Variants in BRINP1 observed in about 807,000 individuals in gnomAD.
BRINP1 encodes BMP/retinoic acid inducible neural specific 1.
BRINP1 carries 17 observed loss-of-function variants against 72.9 expected under a neutral mutation model. The observed-to-expected ratio is 0.23, with a 90% CI of 0.16 to 0.35. The LOEUF (loss-of-function observed/expected upper bound fraction) is 0.35. BRINP1 is among the 10% of genes least tolerant of loss of function. The pLI, the probability that BRINP1 is intolerant of heterozygous loss-of-function variation, is 1.00. For missense variants in BRINP1, 850 were observed against 1,001.6 expected, an observed-to-expected ratio of 0.85 and a Z score of 2.04; for synonymous variants, 418 against 378.5, an observed-to-expected ratio of 1.10 and a Z score of -1.21.
At chr9:119,322,473 G>A (rs774796247) in intron 1 of BRINP1, among the ~76,000 whole-genome samples, 4 of 152,148 alleles carry the variant, frequency 2.6e-5, no homozygotes, top group African/African-American at 4.8e-5. Context: ...ATTTACATCC[G>A]AGGCACACAC....
intron 2 of BRINP1, among the ~76,000 whole-genome samples, chr9:119,277,066 G>A (rs1830664132): frequency 6.6e-6 from 1 of 152,140 alleles, no homozygotes; most frequent in South Asian, 2.1e-4. Context: ...ATCATAGAGT[G>A]TGTAGCCTTT....
chr9:119,313,405 C>A lies in BRINP1; in HGVS notation c.-50G>T, dbSNP rs1357134723. The A allele has an allele frequency of 6.4e-7, 1 of 1,563,766 alleles. No homozygotes were observed. The highest frequency in any genetic ancestry group is 8.6e-7 in the Non-Finnish European group (1 of 1,157,478). On this transcript the variant is annotated splice_region_variant and 5_prime_UTR_variant, in exon 2 of 8. Coordinates refer to ENST00000265922, the MANE Select transcript of BRINP1 (RefSeq NM_014618.3). ...TCATTCTTGCTCCATTCTGTGGAGT[C>A]CTATAGAAGAAAGAATAAAAAAGAG... is the stretch of plus-strand genomic sequence containing the variant.
intron 2 of BRINP1, among the ~76,000 whole-genome samples, chr9:119,280,533 C>T (rs1422152918): frequency 3.3e-5 from 5 of 151,962 alleles, no homozygotes; most frequent in East Asian, 3.9e-4. Context: ...TGTGAGCTAC[C>T]GCACCCAGCC....
At chr9:119,356,930 A>C (rs1831573711) in intron 1 of BRINP1, among the ~76,000 whole-genome samples, 1 of 152,212 alleles carries the variant, frequency 6.6e-6, no homozygotes, top group African/African-American at 2.4e-5. Context: ...TGTTGCCAAA[A>C]CTGGATGCTG....
At chr9:119,252,502 G>T (rs1030988808) in intron 2 of BRINP1, among the ~76,000 whole-genome samples, 1 of 151,300 alleles carries the variant, frequency 6.6e-6, no homozygotes, top group Non-Finnish European at 1.5e-5. Context: ...ATATATATAT[G>T]CATATAAACA....
chr9:119,342,634 C>CACCG (rs1265621567), intron 1 of BRINP1, among the ~76,000 whole-genome samples: 2 of 152,218 alleles, frequency 1.3e-5, no homozygotes, highest in African/African-American at 4.8e-5. Context: ...GACCTCTAGA[C>CACCG]ACCGTATGCC....
At chr9:119,356,650 C>G (rs942944186) in intron 1 of BRINP1, among the ~76,000 whole-genome samples, 1 of 151,754 alleles carries the variant, frequency 6.6e-6, no homozygotes, top group African/African-American at 2.4e-5. Flanking sequence ...ACTAAAAATA[C>G]AAAAATTGGC....
At chr9:119,179,313 T>C (rs1829526228) in intron 7 of BRINP1, among the ~76,000 whole-genome samples, 1 of 152,166 alleles carries the variant, frequency 6.6e-6, no homozygotes, top group Non-Finnish European at 1.5e-5. Flanking sequence ...TTCTGTTGGA[T>C]GGGATTTCAA....
At chr9:119,337,888 G>T (rs1055576995) in intron 1 of BRINP1, among the ~76,000 whole-genome samples, 5 of 152,176 alleles carry the variant, frequency 3.3e-5, no homozygotes, top group African/African-American at 1.2e-4. Context: ...TATTTCCATG[G>T]TTACTTAGCA....
intron 1 of BRINP1, among the ~76,000 whole-genome samples, chr9:119,361,000 C>T (rs572629173): frequency 1.1e-4 from 16 of 152,264 alleles, no homozygotes; most frequent in Middle Eastern, 3.4e-3. Flanking sequence ...CCCAACTTCC[C>T]GGTATACAAC....
intron 2 of BRINP1, among the ~76,000 whole-genome samples, chr9:119,310,658 G>C (rs1041862790): frequency 6.6e-6 from 1 of 152,192 alleles, no homozygotes; most frequent in South Asian, 2.1e-4. Context: ...GGTCTGGGCA[G>C]ATCAGTAAAG....
intron 1 of BRINP1, among the ~76,000 whole-genome samples, chr9:119,329,040 A>G (rs1587962472): frequency 6.6e-6 from 1 of 152,200 alleles, no homozygotes; most frequent in Non-Finnish European, 1.5e-5. Flanking sequence ...TTGGAGGCAG[A>G]CTTGGAGGCA....
intron 1 of BRINP1, among the ~76,000 whole-genome samples, chr9:119,358,291 T>A (rs1338476234): frequency 6.6e-6 from 1 of 150,958 alleles, no homozygotes; most frequent in African/African-American, 2.4e-5. Flanking sequence ...GTCTTATACA[T>A]TAGAAAACCA....
In BRINP1 at chr9:119,167,081, G is replaced by A. The variant is rs377079848; in HGVS notation, c.*3C>T. The stretch of plus-strand genomic sequence containing the variant: ...GGAAAAGTCCATGGCAAGGAGTCCC[G>A]GGTTAGCAGAGTTTGGCTGTCATCT... On this transcript the variant is annotated 3_prime_UTR_variant, in exon 8 of 8. Coordinates refer to ENST00000265922, the MANE Select transcript of BRINP1 (RefSeq NM_014618.3). This position sits in a 1 kb window ranked among gnomAD's most constrained non-coding sequence, Gnocchi z 4.3. 1.8e-5 allele frequency: 29 copies of A among 1,590,742 alleles called. No homozygotes were observed. Among genetic ancestry groups the A allele is most frequent in the East Asian group, 4.5e-5 (2 of 44,536 alleles).
chr9:119,251,078 G>A (rs1830382342), intron 2 of BRINP1, among the ~76,000 whole-genome samples: 3 of 152,200 alleles, frequency 2.0e-5, no homozygotes, highest in Admixed American at 2.0e-4. Flanking sequence ...CCAAGATTCA[G>A]AGATCATGGT....
intron 2 of BRINP1, among the ~76,000 whole-genome samples, chr9:119,298,111 C>T (rs1301470867): frequency 2.0e-5 from 3 of 152,214 alleles, no homozygotes; most frequent in African/African-American, 7.2e-5. Flanking sequence ...ATTACAACTG[C>T]TGCTCATTTT....
chr9:119,362,878 C>G (rs564799482), intron 1 of BRINP1, among the ~76,000 whole-genome samples: 1 of 152,214 alleles, frequency 6.6e-6, no homozygotes. Flanking sequence ...TTCTCAAACT[C>G]TCTTTAGTCC....
At chr9:119,329,237 T>C (rs749427051) in intron 1 of BRINP1, among the ~76,000 whole-genome samples, 4 of 152,148 alleles carry the variant, frequency 2.6e-5, no homozygotes, top group Non-Finnish European at 5.9e-5. Context: ...AATTCCAATA[T>C]TTACTCATCA....
intron 2 of BRINP1, among the ~76,000 whole-genome samples, chr9:119,266,201 G>C (rs1195106421): frequency 6.6e-6 from 1 of 152,148 alleles, no homozygotes; most frequent in African/African-American, 2.4e-5. Context: ...GGGAGACTTA[G>C]AGGCACAATC....
Sources: allele counts gnomAD v4.1 joint callset (sites outside exome capture counted in the v4.1 genomes callset), GRCh38; gene constraint gnomAD v4.1.1; non-coding constraint Gnocchi (gnomAD v3.1); transcripts MANE v1.5; gene names NCBI Gene and HGNC (gene_info 2026-07-23, HGNC 2026-07-21).